Variants in PIEZO2 observed in about 807,000 individuals in gnomAD.
PIEZO2 encodes the protein piezo-type mechanosensitive ion channel component 2.
PIEZO2 carries 172 observed loss-of-function variants against 337.3 expected under a neutral mutation model. The ratio of observed to expected loss-of-function variants is 0.51; its 90% CI spans 0.45 to 0.58. PIEZO2 has a LOEUF of 0.58. PIEZO2 is among the 20% of genes least tolerant of loss of function. PIEZO2 has a pLI of 0.00. For missense variants in PIEZO2, 3,028 were observed against 3,391.3 expected, an observed-to-expected ratio of 0.89 and a Z score of 2.66; for synonymous variants, 1,251 against 1,228.5, an observed-to-expected ratio of 1.02 and a Z score of -0.38.
At chr18:10,735,982 C>T (rs140579027) in intron 34 of PIEZO2, among the ~76,000 whole-genome samples, 1 of 152,210 alleles carries the variant, frequency 6.6e-6, no homozygotes, top group Non-Finnish European at 1.5e-5. Context: ...TCATCTTTAA[C>T]AAGCATTGAT....
At chr18:10,944,481 TTA>T (rs2032900289) in intron 3 of PIEZO2, among the ~76,000 whole-genome samples, 1 of 98,630 alleles carries the variant, frequency 1.0e-5, no homozygotes, top group Non-Finnish European at 2.2e-5. Context: ...TATATATATC[TTA>T]GTAACATATA....
At chr18:10,709,782 G>A (rs768163096) in intron 39 of PIEZO2, among the ~76,000 whole-genome samples, 13 of 152,232 alleles carry the variant, frequency 8.5e-5, no homozygotes, top group South Asian at 4.1e-4. Flanking sequence ...GCATGTTACA[G>A]CTATGTGACC....
At chr18:10,770,380 C>G in intron 20 of PIEZO2, 72 bp from the exon 21 acceptor site, 2 of 1,409,352 alleles carry the variant, frequency 1.4e-6, no homozygotes, top group East Asian at 2.5e-5. Flanking sequence ...TATCTTGTAA[C>G]TTTCAGGTTG....
chr18:11,007,437 G>A (rs1362020807), intron 2 of PIEZO2, among the ~76,000 whole-genome samples: 1 of 152,100 alleles, frequency 6.6e-6, no homozygotes, highest in Non-Finnish European at 1.5e-5. Flanking sequence ...TCAGGATCTG[G>A]AACATTTACA....
At chr18:11,037,181 G>A (rs1047920112) in intron 2 of PIEZO2, among the ~76,000 whole-genome samples, 3 of 152,154 alleles carry the variant, frequency 2.0e-5, no homozygotes, top group African/African-American at 4.8e-5. Flanking sequence ...CGGCCAGTCA[G>A]AACTTTTTAA....
At chr18:10,744,739 C>T (rs1393169322) in intron 30 of PIEZO2, among the ~76,000 whole-genome samples, 2 of 152,182 alleles carry the variant, frequency 1.3e-5, no homozygotes, top group Non-Finnish European at 2.9e-5. Flanking sequence ...TTCTCTTCTT[C>T]CTGTCCTTCC....
intron 15 of PIEZO2, among the ~76,000 whole-genome samples, chr18:10,788,515 G>T (rs575853082): frequency 9.2e-4 from 130 of 140,986 alleles, no homozygotes; most frequent in South Asian, 8.3e-3. Context: ...GATTTTTTTT[G>T]ATCAATAATT....
At position 11,009,513 on chromosome 18, in the gene PIEZO2, G is replaced by T. The variant is rs1053389197; in HGVS notation, c.161-29853C>A. 4.6e-5 allele frequency among the ~76,000 whole-genome samples: 7 copies of T among 152,204 alleles called. No individual in the cohort carries two copies. Among genetic ancestry groups the T allele is most frequent in the African/African-American group, 1.7e-4 (7 of 41,452 alleles). ...ACTGGTTGAGGCGCGTGTGAGAGCA[G>T]CGTATGAGAGTAGCAGCACCTTTCT... is the stretch of plus-strand genomic sequence containing the variant. On this transcript the variant is annotated intron_variant, in intron 2 of 55. Transcript: ENST00000674853. The surrounding 1 kb of genome is among the most constrained non-coding windows in gnomAD (Gnocchi z 4.6).
chr18:11,095,340 T>G (rs982256266), intron 1 of PIEZO2, among the ~76,000 whole-genome samples: 2 of 152,174 alleles, frequency 1.3e-5, no homozygotes, highest in African/African-American at 4.8e-5. Context: ...CACAAGCTAC[T>G]TACGAAGAAA....
In PIEZO2 at chr18:10,696,375, C is replaced by T. The variant is rs754183602; in HGVS notation, c.6975+17G>A. On this transcript the variant is annotated intron_variant, in intron 46 of 55. Transcript: ENST00000674853. Reference sequence around the variant, plus strand: ...CCATGGGTCAGGGCGGGTGCTGTGGCCTTTGCCCCAACCTACCCCAAAGGC... The same window carrying T: ...CCATGGGTCAGGGCGGGTGCTGTGGTCTTTGCCCCAACCTACCCCAAAGGC... 3.7e-6 allele frequency: 6 copies of T among 1,614,026 alleles called. No individual in the cohort carries two copies. The African/African-American group carries it at 8.0e-5, about 22-fold the overall frequency.
chr18:10,748,338 G>T lies in PIEZO2; in HGVS notation c.4424+133C>A. The T allele has an allele frequency of 1.2e-6, 1 of 857,548 alleles. No homozygotes were observed. The highest frequency in any genetic ancestry group is 1.8e-6 in the Non-Finnish European group (1 of 567,988). 53.1% of individuals were successfully genotyped at this position (857,548 alleles called of 1,614,324 possible). A position where few individuals can be genotyped will look rare whatever the true frequency, so the allele number is the denominator to read the frequency against. ...ACAGGCCTTGTGCTAAATTCTTCTT[G>T]GATTGGTTTTGCTGGAAGGGATTTC... is the stretch of plus-strand genomic sequence containing the variant. On this transcript the variant is annotated intron_variant, in intron 30 of 55. Coordinates refer to ENST00000674853, the MANE Select transcript of PIEZO2 (RefSeq NM_001378183.1). The surrounding 1 kb of genome is among the most constrained non-coding windows in gnomAD (Gnocchi z 5.1).
At chr18:10,787,703 A>G (rs1568057589) in intron 15 of PIEZO2, among the ~76,000 whole-genome samples, 1 of 152,228 alleles carries the variant, frequency 6.6e-6, no homozygotes, top group Non-Finnish European at 1.5e-5. Flanking sequence ...AGTATTCAAA[A>G]GTTCACTGAT....
chr18:10,711,417 T>C (rs986668260), intron 39 of PIEZO2, among the ~76,000 whole-genome samples: 2 of 152,222 alleles, frequency 1.3e-5, no homozygotes, highest in Non-Finnish European at 2.9e-5. Context: ...AGGAGGCCTA[T>C]AAAACCCTTG....
chr18:10,763,141 C>T (rs1339545415), intron 21 of PIEZO2, 43 bp from the exon 22 acceptor site: 6 of 1,513,498 alleles, frequency 4.0e-6, no homozygotes, highest in South Asian at 3.6e-5. Flanking sequence ...ATACGTAACA[C>T]GGCATAACAA....
chr18:11,086,933 T>C (rs1009464509), intron 1 of PIEZO2, among the ~76,000 whole-genome samples: 2 of 152,158 alleles, frequency 1.3e-5, no homozygotes, highest in Admixed American at 6.5e-5. Flanking sequence ...TGGCAAGAAA[T>C]TGGCCAAATC....
intron 2 of PIEZO2, among the ~76,000 whole-genome samples, chr18:11,020,339 G>A (rs78431945): frequency 6.6e-6 from 1 of 152,046 alleles, no homozygotes. Flanking sequence ...TGATTCCACA[G>A]TCTTCACAAA....
intron 4 of PIEZO2, among the ~76,000 whole-genome samples, chr18:10,879,391 CTTT>C (rs11385433): frequency 2.8e-5 from 3 of 106,038 alleles, no homozygotes; most frequent in African/African-American, 3.8e-5. Context: ...CCTTTCCAAT[CTTT>C]TTTTTTTTTT....
chr18:10,880,707 G>T (rs912869247), intron 4 of PIEZO2, among the ~76,000 whole-genome samples: 1 of 151,580 alleles, frequency 6.6e-6, no homozygotes, highest in Non-Finnish European at 1.5e-5. Flanking sequence ...GTCTACTTTT[G>T]TTTGTCTTAA....
rs1450291720 is a variant in PIEZO2, at chr18:10,784,055, T to C, written c.2492+729A>G. Among the ~76,000 whole-genome samples the C allele has an allele frequency of 6.6e-6, 1 of 152,178 alleles. No homozygotes were observed. The highest frequency in any genetic ancestry group is 1.5e-5 in the Non-Finnish European group (1 of 68,030). On this transcript the variant is annotated intron_variant, in intron 17 of 55. Coordinates refer to ENST00000674853, the MANE Select transcript of PIEZO2 (RefSeq NM_001378183.1). The surrounding 1 kb of genome is among the most constrained non-coding windows in gnomAD (Gnocchi z 4.5). ...AAGTATTTTTCCAATATCTGAATCA[T>C]AGGCTAAACATGAGGCAGAAAGGAA...
Sources: gnomAD v4.1 joint callset for allele counts (sites outside exome capture counted in the v4.1 genomes callset) on GRCh38, gnomAD v4.1.1 for gene constraint, Gnocchi (gnomAD v3.1) non-coding constraint, MANE v1.5 for transcripts, NCBI Gene and HGNC (gene_info 2026-07-23, HGNC 2026-07-21) for gene names.